The following BRIP1 variants were observed in gnomAD, a reference collection of about 807,000 sequenced individuals.
BRIP1 encodes the protein Fanconi anemia group J protein.
BRIP1 carries 88 observed loss-of-function variants against 119.7 expected under a neutral mutation model. The ratio of observed to expected loss-of-function variants is 0.74; its 90% CI spans 0.62 to 0.88. The LOEUF (loss-of-function observed/expected upper bound fraction) is 0.88. Ranked by LOEUF, BRIP1 falls within the 40% of genes least tolerant of loss-of-function variation. The pLI is 0.00. For missense variants in BRIP1, 1,259 were observed against 1,455.4 expected, an observed-to-expected ratio of 0.87 and a Z score of 2.20; for synonymous variants, 443 against 496.5, an observed-to-expected ratio of 0.89 and a Z score of 1.43.
At chr17:61,818,220 G>A (rs930216163) in intron 6 of BRIP1, among the ~76,000 whole-genome samples, 6 of 151,760 alleles carry the variant, frequency 4.0e-5, no homozygotes, top group Non-Finnish European at 8.8e-5. Context: ...AGATGGGCAA[G>A]TAGGGTATAT....
At chr17:61,800,388 T>A (rs953847046) in intron 8 of BRIP1, among the ~76,000 whole-genome samples, 2 of 151,942 alleles carry the variant, frequency 1.3e-5, no homozygotes, top group African/African-American at 4.8e-5. Flanking sequence ...AGACAAAGAG[T>A]GGACAGGGCA....
At chr17:61,812,660 A>G (rs188264569) in intron 6 of BRIP1, among the ~76,000 whole-genome samples, 8 of 152,150 alleles carry the variant, frequency 5.3e-5, no homozygotes, top group African/African-American at 1.9e-4. Context: ...TTCCATGTGC[A>G]GTAGCCAATT....
intron 6 of BRIP1, among the ~76,000 whole-genome samples, chr17:61,838,249 T>C (rs2078603836): frequency 6.6e-6 from 1 of 152,068 alleles, no homozygotes; most frequent in Non-Finnish European, 1.5e-5. Flanking sequence ...GTCCTTAGAA[T>C]TTAAAGGTGT....
intron 6 of BRIP1, among the ~76,000 whole-genome samples, chr17:61,811,287 T>A (rs1453875422): frequency 6.6e-6 from 1 of 152,110 alleles, no homozygotes; most frequent in African/African-American, 2.4e-5. Flanking sequence ...TGCAATGGCA[T>A]GATCTCGGCT....
intron 5 of BRIP1, among the ~76,000 whole-genome samples, chr17:61,847,868 G>A (rs1180053970): frequency 6.6e-6 from 1 of 152,186 alleles, no homozygotes; most frequent in Non-Finnish European, 1.5e-5. Context: ...AAAATGAAAT[G>A]AGAACCAGTG....
intron 14 of BRIP1, among the ~76,000 whole-genome samples, chr17:61,773,494 G>C (rs1325550386): frequency 6.6e-6 from 1 of 152,050 alleles, no homozygotes; most frequent in African/African-American, 2.4e-5. Flanking sequence ...TCAGAACATA[G>C]GCATGGGCAA....
rs2078086703 is a variant in BRIP1, at chr17:61,807,172, T to C, written c.918+1295A>G. 6.6e-6 allele frequency among the ~76,000 whole-genome samples: 1 copy of C among 152,246 alleles called. No homozygotes were observed. The highest frequency in any genetic ancestry group is 2.4e-5 in the African/African-American group (1 of 41,464). On this transcript the variant is annotated intron_variant, in intron 7 of 19. Coordinates refer to ENST00000259008, the MANE Select transcript of BRIP1 (RefSeq NM_032043.3). The surrounding 1 kb of genome is among the most constrained non-coding windows in gnomAD (Gnocchi z 4.5). ...GTCACTATGGAAAGCAGTCTACTTA[T>C]GCATGAAATTCATGGAGTTTTACCA...
chr17:61,704,584 T>C lies in BRIP1; in HGVS notation c.2493-11072A>G, dbSNP rs1392373648. On this transcript the variant is annotated intron_variant, in intron 17 of 19. Coordinates refer to ENST00000259008, the MANE Select transcript of BRIP1 (RefSeq NM_032043.3). The surrounding 1 kb of genome is among the most constrained non-coding windows in gnomAD (Gnocchi z 5.7). ...TCTTTAAATGTTTGGTAATATTTGT[T>C]AATGAACACATCTGGGTGGAGAATT... is the stretch of plus-strand genomic sequence containing the variant. Among the ~76,000 whole-genome samples, 1 of 152,204 alleles carries C rather than the reference T, an allele frequency of 6.6e-6. No individual in the cohort carries two copies. Among genetic ancestry groups the C allele is most frequent in the East Asian group, 1.9e-4 (1 of 5,202 alleles).
chr17:61,685,611 G>GT, intron 19 of BRIP1: 1 of 561,516 alleles, frequency 1.8e-6, no homozygotes, highest in African/African-American at 1.9e-5. Context: ...CACAAAGCTA[G>GT]TAAGTGGCAA....
rs2061302714 is a variant in BRIP1 at position 61,683,498 on chromosome 17, C to G, written c.3548G>C (p.Arg1183Thr). ...IRTIKEVDSA[R>T]EVKAEDCIDT... ...TATGCAATCCTCAGCTTTCACTTCT[C>G]TGGCTGAATCTACTTCTTTTATAGT... Residue 1183 changes from arginine (R) to threonine (T), a missense_variant, in exon 20 of 20, where the codon AGA becomes ACA. Physicochemically the swap from Arg to Thr is moderately conservative, Grantham distance 71. Transcript: ENST00000259008. This position sits in a 1 kb window ranked among gnomAD's most constrained non-coding sequence, Gnocchi z 4.7. 1 of 1,613,606 alleles carries G rather than the reference C, an allele frequency of 6.2e-7. No homozygotes were observed. Among genetic ancestry groups the G allele is most frequent in the Non-Finnish European group, 8.5e-7 (1 of 1,179,854 alleles).
chr17:61,717,172 T>G lies in BRIP1; in HGVS notation c.2380-1109A>C, dbSNP rs1319008749. 1.3e-5 allele frequency among the ~76,000 whole-genome samples: 2 copies of G among 152,114 alleles called. No individual in the cohort carries two copies. The highest frequency in any genetic ancestry group is 4.8e-5 in the African/African-American group (2 of 41,460). ...ACCCTTTACCCAATTTCCCCTAATG[T>G]TAACATCTTATATTACTATAGCTCA... On this transcript the variant is annotated intron_variant, in intron 16 of 19. Coordinates refer to ENST00000259008, the MANE Select transcript of BRIP1 (RefSeq NM_032043.3). This position sits in a 1 kb window ranked among gnomAD's most constrained non-coding sequence, Gnocchi z 4.1.
Position 61,757,280 on chromosome 17 carries a change from T to C in BRIP1, c.2098-12689A>G, listed in dbSNP as rs911362126. On this transcript the variant is annotated intron_variant, in intron 14 of 19. Coordinates refer to ENST00000259008, the MANE Select transcript of BRIP1 (RefSeq NM_032043.3). The surrounding 1 kb of genome is among the most constrained non-coding windows in gnomAD (Gnocchi z 4.3). ...ATGAATTTCTATTGAAACAGCTTCC[T>C]GTTTGGTGATATTTGACTCAGCACT... is the stretch of plus-strand genomic sequence containing the variant. Among the ~76,000 whole-genome samples the C allele has an allele frequency of 1.3e-5, 2 of 152,204 alleles. No individual in the cohort carries two copies. The highest frequency in any genetic ancestry group is 2.9e-5 in the Non-Finnish European group (2 of 68,038).
rs2076758516 is a variant in BRIP1 at position 61,725,801 on chromosome 17, A to AAT, written c.2380-9740_2380-9739dup. Among the ~76,000 whole-genome samples the AAT allele has an allele frequency of 6.6e-6, 1 of 152,002 alleles. No individual in the cohort carries two copies. Among genetic ancestry groups the AAT allele is most frequent in the Non-Finnish European group, 1.5e-5 (1 of 67,988 alleles). On this transcript the variant is annotated intron_variant, in intron 16 of 19. Transcript: ENST00000259008. This position sits in a 1 kb window ranked among gnomAD's most constrained non-coding sequence, Gnocchi z 5.3. ...CAACACCAGGCTAATTAAAAAAAAA[A>AAT]ATTATTTTAGAGACGCAGTCTCACT...
chr17:61,747,470 G>A (rs9909664), intron 14 of BRIP1, among the ~76,000 whole-genome samples: 4,974 of 150,698 alleles, frequency 0.033, 312 homozygotes, highest in African/African-American at 0.11. Flanking sequence ...TGATGCCACC[G>A]ATACAATAAA....
chr17:61,791,632 G>A lies in BRIP1; in HGVS notation c.1473+1965C>T, dbSNP rs143246345. Among the ~76,000 whole-genome samples, 6 of 151,882 alleles carry A rather than the reference G, an allele frequency of 4.0e-5. No homozygotes were observed. In the East Asian group the frequency reaches 1.2e-3, roughly 29 times the overall value. ...AGAGAAGTTCCAGGACCCCATTGGA[G>A]CAAAAAATCCAAGAACAGATGCATT... On this transcript the variant is annotated intron_variant, in intron 10 of 19. Coordinates refer to ENST00000259008, the MANE Select transcript of BRIP1 (RefSeq NM_032043.3).
intron 14 of BRIP1, among the ~76,000 whole-genome samples, chr17:61,771,044 A>G (rs1345996373): frequency 6.6e-6 from 1 of 152,250 alleles, no homozygotes; most frequent in Non-Finnish European, 1.5e-5. Flanking sequence ...CACACTTTAA[A>G]TTTAGACACA....
intron 17 of BRIP1, among the ~76,000 whole-genome samples, chr17:61,711,765 G>A (rs574081863): frequency 6.6e-5 from 10 of 152,054 alleles, no homozygotes; most frequent in Non-Finnish European, 1.3e-4. Flanking sequence ...CTACTCAGGA[G>A]GTTGAGGTAG....
chr17:61,830,269 T>A (rs1233334233), intron 6 of BRIP1, among the ~76,000 whole-genome samples: 7 of 133,638 alleles, frequency 5.2e-5, no homozygotes, highest in African/African-American at 8.3e-5. Context: ...GAAGAGAAAA[T>A]TACATCCAAA....
Position 61,693,303 on chromosome 17 carries a change from G to T in BRIP1, c.2575+127C>A. ...CTAGATATCTGCTGTGAAATACTGTGCTTATAGTTAACAATATTGTACTGT... is the reference window on the plus strand; with the variant it reads ...CTAGATATCTGCTGTGAAATACTGTTCTTATAGTTAACAATATTGTACTGT... On this transcript the variant is annotated intron_variant, in intron 18 of 19. Coordinates refer to ENST00000259008, the MANE Select transcript of BRIP1 (RefSeq NM_032043.3). This position sits in a 1 kb window ranked among gnomAD's most constrained non-coding sequence, Gnocchi z 4.2. 2.3e-6 allele frequency: 2 copies of T among 860,510 alleles called. No homozygotes were observed. Among genetic ancestry groups the T allele is most frequent in the Non-Finnish European group, 1.9e-6 (1 of 523,378 alleles). The allele number at this position is 860,510 out of a possible 1,614,324, so 53.3% of individuals were successfully genotyped here. A position where few individuals can be genotyped will look rare whatever the true frequency, so the allele number is the denominator to read the frequency against.
Sources: allele counts gnomAD v4.1 joint callset (sites outside exome capture counted in the v4.1 genomes callset), GRCh38; gene constraint gnomAD v4.1.1; non-coding constraint Gnocchi (gnomAD v3.1); transcripts MANE v1.5; gene names NCBI Gene and HGNC (gene_info 2026-07-23, HGNC 2026-07-21).